MAN2A1: variants seen among roughly 807,000 people sequenced by gnomAD.
MAN2A1 encodes mannosidase alpha class 2A member 1, also known as alpha-mannosidase 2.
In MAN2A1, 76 loss-of-function variants were observed where a neutral mutation model predicts 142.6. The observed-to-expected ratio is 0.53, with a 90% CI of 0.44 to 0.65. The LOEUF is 0.65. Among genes scored for constraint, MAN2A1 ranks in the 30% least tolerant of loss-of-function variants. The pLI is 0.00. For synonymous variants in MAN2A1, 559 were observed against 473.2 expected, an observed-to-expected ratio of 1.18 and a Z score of -2.35; for missense variants, 1,311 against 1,365.1, an observed-to-expected ratio of 0.96 and a Z score of 0.62.
intron 1 of MAN2A1, among the ~76,000 whole-genome samples, chr5:109,693,481 G>A (rs916434834): frequency 2.0e-5 from 3 of 151,864 alleles, no homozygotes; most frequent in Non-Finnish European, 4.4e-5. Flanking sequence ...TGCCCATTTA[G>A]TTGGTTTCAG....
chr5:109,837,452 C>G (rs1359808412), intron 16 of MAN2A1, among the ~76,000 whole-genome samples: 1 of 152,046 alleles, frequency 6.6e-6, no homozygotes, highest in African/African-American at 2.4e-5. Context: ...AGCCCTTGGT[C>G]CCAGAGTAAC....
chr5:109,839,649 C>T (rs11241038), intron 16 of MAN2A1, among the ~76,000 whole-genome samples: 62,804 of 109,482 alleles, frequency 0.57, 16,300 homozygotes, highest in African/African-American at 0.71. Context: ...CTGTCTCTCT[C>T]TTTTTTTTTT....
rs2112687282 is a variant in MAN2A1 at position 109,795,281 on chromosome 5, C to T, written c.1943+5754C>T. The stretch of plus-strand genomic sequence containing the variant: ...AAAAGGCTCCACCTTTGTTCCAGTC[C>T]CTCCCACCCTTAGCATTTCTATGTA... On this transcript the variant is annotated intron_variant, in intron 12 of 21. Coordinates refer to ENST00000261483, the MANE Select transcript of MAN2A1 (RefSeq NM_002372.4). Among the ~76,000 whole-genome samples the T allele has an allele frequency of 2.0e-5, 3 of 151,990 alleles. 1 individual carries two copies. Among genetic ancestry groups the T allele is most frequent in the Admixed American group, 2.0e-4 (3 of 15,268 alleles).
At chr5:109,780,920 A>G (rs1463115123) in intron 8 of MAN2A1, among the ~76,000 whole-genome samples, 5 of 152,188 alleles carry the variant, frequency 3.3e-5, no homozygotes, top group African/African-American at 1.2e-4. Context: ...AAACGGAGAT[A>G]GAGGAGGGTA....
In MAN2A1 at chr5:109,701,046, C is replaced by G. The variant is rs1164667010; in HGVS notation, c.135+10494C>G. 5.3e-5 allele frequency among the ~76,000 whole-genome samples: 8 copies of G among 152,288 alleles called. No individual in the cohort carries two copies. The East Asian group carries it at 1.3e-3, about 26-fold the overall frequency. On this transcript the variant is annotated intron_variant, in intron 1 of 21. Coordinates refer to ENST00000261483, the MANE Select transcript of MAN2A1 (RefSeq NM_002372.4). ...GCATATAGTAAGTGCTCAGTAAATG[C>G]TAGTTGTTACCAATGGACAGAGATT...
intron 4 of MAN2A1, among the ~76,000 whole-genome samples, chr5:109,748,331 G>A (rs1010608295): frequency 6.6e-6 from 1 of 151,190 alleles, no homozygotes; most frequent in East Asian, 1.9e-4. Flanking sequence ...ATTTCCTTAT[G>A]AGTGAGATTA....
chr5:109,831,223 G>A (rs1308389012), intron 16 of MAN2A1, among the ~76,000 whole-genome samples: 5 of 152,170 alleles, frequency 3.3e-5, no homozygotes, highest in East Asian at 1.9e-4. Context: ...AGTATTCACC[G>A]AGTAAATATA....
At chr5:109,737,967 C>T (rs1035747016) in intron 4 of MAN2A1, among the ~76,000 whole-genome samples, 1 of 152,044 alleles carries the variant, frequency 6.6e-6, no homozygotes, top group Non-Finnish European at 1.5e-5. Context: ...CCTTGATGAA[C>T]TGAGGGAGCT....
chr5:109,747,932 TG>T (rs1752449269), intron 4 of MAN2A1, among the ~76,000 whole-genome samples: 1 of 152,210 alleles, frequency 6.6e-6, no homozygotes, highest in African/African-American at 2.4e-5. Context: ...ACTTATTTGC[TG>T]TTTTATTATT....
intron 16 of MAN2A1, among the ~76,000 whole-genome samples, chr5:109,833,266 G>A (rs1018436130): frequency 2.6e-5 from 4 of 152,230 alleles, no homozygotes; most frequent in Admixed American, 6.5e-5. Flanking sequence ...CCCAGACAGG[G>A]TGGCGGCCGG....
chr5:109,783,033 G>A (rs190889098), intron 9 of MAN2A1, among the ~76,000 whole-genome samples: 185 of 152,118 alleles, frequency 1.2e-3, no homozygotes, highest in African/African-American at 4.0e-3. Context: ...ATATCAACCA[G>A]TTATCTCTTA....
At chr5:109,791,734 AC>A in intron 12 of MAN2A1, among the ~76,000 whole-genome samples, 1 of 152,108 alleles carries the variant, frequency 6.6e-6, no homozygotes, top group South Asian at 2.1e-4. Context: ...TAACAGGTAA[AC>A]AGTTTGTGTG....
chr5:109,728,578 T>G (rs1751811954), intron 3 of MAN2A1, among the ~76,000 whole-genome samples: 1 of 152,196 alleles, frequency 6.6e-6, no homozygotes, highest in Non-Finnish European at 1.5e-5. Context: ...ATGTTTCTTA[T>G]AGCCAAATTG....
At chr5:109,816,577 A>AT (rs1234080208) in intron 12 of MAN2A1, among the ~76,000 whole-genome samples, 1 of 152,088 alleles carries the variant, frequency 6.6e-6, no homozygotes, top group Non-Finnish European at 1.5e-5. Flanking sequence ...GAATTATGTG[A>AT]TTTTCCATAT....
intron 4 of MAN2A1, among the ~76,000 whole-genome samples, chr5:109,730,504 A>AGT (rs1254992676): frequency 6.6e-6 from 1 of 151,992 alleles, no homozygotes. Context: ...TCAAATAAAT[A>AGT]GTGCTTTTTT....
intron 19 of MAN2A1, among the ~76,000 whole-genome samples, chr5:109,850,310 T>C (rs987115697): frequency 5.9e-5 from 9 of 152,232 alleles, no homozygotes; most frequent in African/African-American, 2.2e-4. Context: ...CTTGTCTTCA[T>C]ATGCATGTTG....
Position 109,842,806 on chromosome 5 carries a change from G to GTTTTTTTTTTTTTTTTTTTTT in MAN2A1, c.2700+362_2700+363insTTTTTTTTTTTTTTTTTTTTT, listed in dbSNP as rs768238978. Among the ~76,000 whole-genome samples the GTTTTTTTTTTTTTTTTTTTTT allele has an allele frequency of 6.1e-4, 71 of 116,172 alleles. 6 individuals are homozygous for GTTTTTTTTTTTTTTTTTTTTT. The highest frequency in any genetic ancestry group is 2.1e-3 in the African/African-American group (64 of 30,758). The allele number at this position is 116,172 out of a possible 152,430, so 76.2% of individuals were successfully genotyped here. On this transcript the variant is annotated intron_variant, in intron 17 of 21. Transcript: ENST00000261483. ...GGGATTGATGGATTATACTTATTGG[G>GTTTTTTTTTTTTTTTTTTTTT]TTTTTTTTTTTTTTTTTGAGAAAGA...
chr5:109,800,725 G>A (rs759534859), intron 12 of MAN2A1, among the ~76,000 whole-genome samples: 2 of 152,164 alleles, frequency 1.3e-5, no homozygotes, highest in African/African-American at 2.4e-5. Context: ...TATGAAATTT[G>A]TGTTTTCAAG....
intron 12 of MAN2A1, among the ~76,000 whole-genome samples, chr5:109,800,133 A>C (rs1238551677): frequency 1.3e-5 from 2 of 150,696 alleles, no homozygotes; most frequent in Admixed American, 6.6e-5. Context: ...CTCTAGATGC[A>C]CCCGAATGTG....
Sources: allele counts gnomAD v4.1 joint callset (sites outside exome capture counted in the v4.1 genomes callset), GRCh38; gene constraint gnomAD v4.1.1; transcripts MANE v1.5; gene names NCBI Gene and HGNC (gene_info 2026-07-23, HGNC 2026-07-21).